Variants in UQCC1 observed in about 807,000 individuals in gnomAD.
UQCC1 encodes ubiquinol-cytochrome c reductase complex assembly factor 1.
Under a neutral mutation model 48.0 loss-of-function variants are expected in UQCC1, and 38 were observed. That is an observed-to-expected ratio of 0.79 (90% CI 0.61 to 1.04). UQCC1 has a LOEUF of 1.04. Among genes scored for constraint, UQCC1 ranks in the 50% least tolerant of loss-of-function variants. The pLI is 0.00. For missense variants in UQCC1, 368 were observed against 381.8 expected, an observed-to-expected ratio of 0.96 and a Z score of 0.30; for synonymous variants, 111 against 129.2, an observed-to-expected ratio of 0.86 and a Z score of 0.95.
At chr20:35,390,623 A>G (rs1356194824) in intron 2 of UQCC1, among the ~76,000 whole-genome samples, 1 of 152,158 alleles carries the variant, frequency 6.6e-6, no homozygotes, top group Non-Finnish European at 1.5e-5. Flanking sequence ...TATCATTAAA[A>G]AAAACCACCA....
At chr20:35,372,864 A>G (rs1273178923) in intron 5 of UQCC1, among the ~76,000 whole-genome samples, 1 of 152,198 alleles carries the variant, frequency 6.6e-6, no homozygotes, top group Non-Finnish European at 1.5e-5. Context: ...GCAAGACTCA[A>G]AGCAAGTCTC....
chr20:35,309,719 A>T (rs1453027298), intron 8 of UQCC1, among the ~76,000 whole-genome samples: 2 of 152,302 alleles, frequency 1.3e-5, no homozygotes, highest in South Asian at 4.1e-4. Flanking sequence ...GAGGAAGCCA[A>T]GGGGATTGTT....
chr20:35,404,846 C>G (rs1455384653), intron 1 of UQCC1, among the ~76,000 whole-genome samples: 2 of 152,220 alleles, frequency 1.3e-5, no homozygotes, highest in Admixed American at 6.5e-5. Flanking sequence ...GACTTCATGG[C>G]TTCCTGAGGC....
At chr20:35,323,514 G>T (rs1345847159) in intron 7 of UQCC1, among the ~76,000 whole-genome samples, 1 of 152,114 alleles carries the variant, frequency 6.6e-6, no homozygotes, top group African/African-American at 2.4e-5. Context: ...AGGTCAAAAA[G>T]TTTTCTCCCC....
At chr20:35,373,792 T>C (rs1015854696) in intron 5 of UQCC1, among the ~76,000 whole-genome samples, 2 of 151,978 alleles carry the variant, frequency 1.3e-5, no homozygotes, top group Non-Finnish European at 2.9e-5. Flanking sequence ...AGGGAGATAA[T>C]GTCAAAGTAC....
intron 1 of UQCC1, among the ~76,000 whole-genome samples, chr20:35,394,707 C>A (rs1196197933): frequency 1.3e-5 from 2 of 152,188 alleles, no homozygotes; most frequent in Non-Finnish European, 2.9e-5. Flanking sequence ...CAAGGGGTCT[C>A]CATACCAAGC....
At chr20:35,384,226 C>T in intron 2 of UQCC1, 93 bp from the exon 3 acceptor site, 3 of 1,149,184 alleles carry the variant, frequency 2.6e-6, no homozygotes, top group Non-Finnish European at 3.7e-6. Context: ...TAGGATCTTT[C>T]CAACCTTACT....
intron 7 of UQCC1, chr20:35,344,869 T>C (rs2061416986): frequency 6.6e-6 from 1 of 152,246 alleles, no homozygotes; most frequent in Non-Finnish European, 1.5e-5. Context: ...GATTAGAAGG[T>C]TAGGACTTTC....
intron 6 of UQCC1, among the ~76,000 whole-genome samples, chr20:35,357,666 T>A (rs2061560583): frequency 9.3e-6 from 1 of 107,330 alleles, no homozygotes. Context: ...AGTGAGACCT[T>A]GTCTCAAAAA....
intron 7 of UQCC1, among the ~76,000 whole-genome samples, chr20:35,320,641 A>G (rs551412552): frequency 5.9e-5 from 9 of 152,338 alleles, no homozygotes; most frequent in Non-Finnish European, 1.2e-4. Context: ...TTACTAATAC[A>G]TCAGATATCC....
chr20:35,408,793 TG>T (rs2062291249), intron 1 of UQCC1, among the ~76,000 whole-genome samples: 1 of 151,592 alleles, frequency 6.6e-6, no homozygotes, highest in Non-Finnish European at 1.5e-5. Context: ...AGGTCAAGGC[TG>T]CAGTGAGCTA....
At chr20:35,320,151 C>A (rs1388677221) in intron 7 of UQCC1, among the ~76,000 whole-genome samples, 1 of 152,208 alleles carries the variant, frequency 6.6e-6, no homozygotes, top group African/African-American at 2.4e-5. Flanking sequence ...AACTCCTTAT[C>A]CTCTAAGACT....
chr20:35,329,874 C>T (rs1250176422), intron 7 of UQCC1, among the ~76,000 whole-genome samples: 7 of 152,192 alleles, frequency 4.6e-5, no homozygotes, highest in South Asian at 2.1e-4. Flanking sequence ...TTTCCAAAGA[C>T]GCTATTTACA....
intron 7 of UQCC1, chr20:35,345,502 CTTTT>C (rs932685186): frequency 3.3e-5 from 5 of 152,104 alleles, no homozygotes; most frequent in African/African-American, 9.7e-5. Flanking sequence ...TGAAAAAATA[CTTTT>C]TTTCTCTATA....
intron 3 of UQCC1, among the ~76,000 whole-genome samples, chr20:35,382,608 G>A (rs545545503): frequency 8.2e-4 from 121 of 148,126 alleles, no homozygotes; most frequent in Non-Finnish European, 1.4e-3. Flanking sequence ...CGCCTCCCGG[G>A]TTCCCGCCAT....
At position 35,348,371 on chromosome 20, in the gene UQCC1, T is replaced by TTTTTGTTTTG. The variant is rs142041816; in HGVS notation, c.465-1109_465-1100dup. Reference sequence around the variant, plus strand: ...TTCATGCATGACCATAGTTCATTCTTTTTTGTTTTGTTTTGTTTTGTTTTG... The same window carrying TTTTTGTTTTG: ...TTCATGCATGACCATAGTTCATTCTTTTTTGTTTTGTTTTGTTTTGTTTTGTTTTGTTTTG... On this transcript the variant is annotated intron_variant, in intron 6 of 9. Coordinates refer to ENST00000374385, the MANE Select transcript of UQCC1 (RefSeq NM_018244.5). 2.3e-3 allele frequency among the ~76,000 whole-genome samples: 352 copies of TTTTTGTTTTG among 150,934 alleles called. 1 individual carries two copies. Among genetic ancestry groups the TTTTTGTTTTG allele is most frequent in the African/African-American group, 7.9e-3 (326 of 41,212 alleles).
intron 6 of UQCC1, among the ~76,000 whole-genome samples, chr20:35,361,717 G>A (rs1032944676): frequency 9.9e-5 from 15 of 152,054 alleles, no homozygotes; most frequent in African/African-American, 2.9e-4. Flanking sequence ...CTACTTCTTT[G>A]GGAAAGTTCT....
intron 7 of UQCC1, among the ~76,000 whole-genome samples, chr20:35,320,072 T>C (rs2061105781): frequency 6.6e-6 from 1 of 152,182 alleles, no homozygotes; most frequent in African/African-American, 2.4e-5. Context: ...CATCATGCTG[T>C]CATCTATTTC....
chr20:35,308,369 G>A (rs1004541023), intron 8 of UQCC1, among the ~76,000 whole-genome samples: 9 of 152,262 alleles, frequency 5.9e-5, no homozygotes, highest in African/African-American at 1.2e-4. Context: ...GCACAACAGC[G>A]TGCCTGTGTC....
Sources: gnomAD v4.1 joint callset for allele counts (sites outside exome capture counted in the v4.1 genomes callset) on GRCh38, gnomAD v4.1.1 for gene constraint, MANE v1.5 for transcripts, NCBI Gene and HGNC (gene_info 2026-07-23, HGNC 2026-07-21) for gene names.